The following DCK variants were observed in gnomAD, a reference collection of about 807,000 sequenced individuals.
DCK encodes the protein deoxyadenosine kinase.
Under a neutral mutation model 38.3 loss-of-function variants are expected in DCK, and 23 were observed. The ratio of observed to expected loss-of-function variants is 0.60; its 90% CI spans 0.43 to 0.85. The LOEUF (loss-of-function observed/expected upper bound fraction) is 0.85, where lower values mean the gene tolerates loss of function less well. Among genes scored for constraint, DCK ranks in the 40% least tolerant of loss-of-function variants. The pLI is 0.00. For missense variants in DCK, 259 were observed against 304.4 expected, an observed-to-expected ratio of 0.85 and a Z score of 1.11; for synonymous variants, 108 against 100.6, an observed-to-expected ratio of 1.07 and a Z score of -0.44.
intron 4 of DCK, among the ~76,000 whole-genome samples, chr4:71,024,110 C>T (rs1314265189): frequency 6.6e-6 from 1 of 152,122 alleles, no homozygotes; most frequent in Admixed American, 6.5e-5. Flanking sequence ...CAGTGCTGGG[C>T]ACTGTTGGAG....
At chr4:71,017,419 C>T (rs1018854660) in intron 2 of DCK, among the ~76,000 whole-genome samples, 1 of 152,056 alleles carries the variant, frequency 6.6e-6, no homozygotes, top group African/African-American at 2.4e-5. Context: ...CCCAGCCATC[C>T]CATTAGTGGG....
chr4:70,997,399 G>A (rs73827066), intron 1 of DCK, among the ~76,000 whole-genome samples: 72 of 152,184 alleles, frequency 4.7e-4, no homozygotes, highest in African/African-American at 1.6e-3. Context: ...CCAGTTTATC[G>A]TTAAAAGTTT....
chr4:71,028,729 A>T (rs1233339270), intron 6 of DCK: 3 of 383,112 alleles, frequency 7.8e-6, no homozygotes, highest in Non-Finnish European at 1.5e-5. Flanking sequence ...AGTAGGTGGG[A>T]TTACAAGTGC....
chr4:70,999,828 GTGTCTGTTCATA>G (rs1376411784), intron 2 of DCK, among the ~76,000 whole-genome samples: 1 of 152,048 alleles, frequency 6.6e-6, no homozygotes, highest in African/African-American at 2.4e-5. Context: ...CTTTTGAAAA[GTGTCTGTTCATA>G]TCATTTGCCC....
Position 71,023,700 on chromosome 4 carries a change from T to C in DCK, c.543T>C (p.Thr181=). ...ELDGIIYLQA[T]PETCLHRIYL... ...ATGGAATCATTTATCTTCAAGCCAC[T>C]CCAGAGGTAAAACCCAATAAAAATG... Residue 181 remains threonine (T), a synonymous_variant, in exon 4 of 7, where the codon ACT becomes ACC. Transcript: ENST00000286648. 6.2e-7 allele frequency: 1 copy of C among 1,604,308 alleles called. No homozygotes were observed. Among genetic ancestry groups the C allele is most frequent in the Non-Finnish European group, 8.5e-7 (1 of 1,177,266 alleles).
Position 71,029,555 on chromosome 4 carries a change from C to G in DCK, c.*177C>G, listed in dbSNP as rs1462734861. The G allele has an allele frequency of 1.8e-6, 1 of 554,978 alleles. No individual in the cohort carries two copies. The highest frequency in any genetic ancestry group is 3.1e-5 in the East Asian group (1 of 31,816). 34.4% of individuals were successfully genotyped at this position (554,978 alleles called of 1,614,324 possible). ...CAAAACTTTTTGACCAGTTTCTTTT[C>G]TTTTGTTTTTTTTTTAAAAAAGACA... On this transcript the variant is annotated 3_prime_UTR_variant, in exon 7 of 7. Transcript: ENST00000286648.
intron 6 of DCK, among the ~76,000 whole-genome samples, chr4:71,028,192 A>G (rs2148920540): frequency 6.6e-6 from 1 of 152,336 alleles, no homozygotes; most frequent in African/African-American, 2.4e-5. Flanking sequence ...TGCTTGAACT[A>G]TTGTGCTTAT....
chr4:71,017,570 A>G (rs1016939556), intron 2 of DCK, among the ~76,000 whole-genome samples: 3 of 152,152 alleles, frequency 2.0e-5, no homozygotes, highest in Non-Finnish European at 4.4e-5. Context: ...AAAATGTGGC[A>G]CATATACACC....
At chr4:71,006,169 A>AAG (rs1739937304) in intron 2 of DCK, 2 of 157,824 alleles carry the variant, frequency 1.3e-5, no homozygotes, top group African/African-American at 2.4e-5. Flanking sequence ...AGAAAAAGAA[A>AAG]AACTACTATT....
At chr4:71,025,097 C>T (rs1416090542) in intron 4 of DCK, among the ~76,000 whole-genome samples, 1 of 151,986 alleles carries the variant, frequency 6.6e-6, no homozygotes, top group Non-Finnish European at 1.5e-5. Context: ...TCTTGGAATG[C>T]ATGAAGAGTT....
chr4:71,004,564 C>T (rs573423588), intron 2 of DCK, among the ~76,000 whole-genome samples: 7 of 152,228 alleles, frequency 4.6e-5, no homozygotes, highest in Admixed American at 4.6e-4. Context: ...CTCACAGCCA[C>T]GCCTTCCCCC....
intron 2 of DCK, among the ~76,000 whole-genome samples, chr4:71,017,332 G>T (rs994403236): frequency 6.6e-6 from 1 of 152,104 alleles, no homozygotes. Flanking sequence ...ACTGTTGGTG[G>T]GACTGTAAAC....
intron 2 of DCK, among the ~76,000 whole-genome samples, chr4:71,021,770 A>G (rs1052110891): frequency 5.9e-5 from 9 of 152,134 alleles, no homozygotes; most frequent in Non-Finnish European, 1.3e-4. Context: ...TGGGAGGCCA[A>G]GGCAGGCAGA....
chr4:70,996,064 C>A (rs1256738595), intron 1 of DCK, among the ~76,000 whole-genome samples: 1 of 152,070 alleles, frequency 6.6e-6, no homozygotes, highest in Non-Finnish European at 1.5e-5. Flanking sequence ...TAAAATTAGG[C>A]CAGGCACAGT....
At chr4:71,014,256 C>A (rs1339338160) in intron 2 of DCK, among the ~76,000 whole-genome samples, 2 of 152,192 alleles carry the variant, frequency 1.3e-5, no homozygotes, top group Non-Finnish European at 2.9e-5. Context: ...CAGGAGCACC[C>A]AGATTCATAA....
At chr4:71,022,983 G>A (rs1389868207) in intron 3 of DCK, among the ~76,000 whole-genome samples, 1 of 152,084 alleles carries the variant, frequency 6.6e-6, no homozygotes, top group African/African-American at 2.4e-5. Context: ...TCAGAACAGA[G>A]GTTCTCAAAC....
At chr4:71,004,896 C>T (rs1739901640) in intron 2 of DCK, among the ~76,000 whole-genome samples, 1 of 152,110 alleles carries the variant, frequency 6.6e-6, no homozygotes, top group Admixed American at 6.5e-5. Flanking sequence ...TTGCTGGGCT[C>T]CGTGGGGGTG....
Position 70,993,785 on chromosome 4 carries a change from C to T in DCK, c.-51C>T. Reference sequence around the variant, plus strand: ...GCTCCAGTGCGCGCACCCGTGGCCGCCTCCCAGCCCTCTTTGCCGGACGAG... The same window carrying T: ...GCTCCAGTGCGCGCACCCGTGGCCGTCTCCCAGCCCTCTTTGCCGGACGAG... On this transcript the variant is annotated 5_prime_UTR_variant, in exon 1 of 7. Transcript: ENST00000286648. The T allele has an allele frequency of 7.3e-7, 1 of 1,376,262 alleles. No individual in the cohort carries two copies. The highest frequency in any genetic ancestry group is 1.0e-6 in the Non-Finnish European group (1 of 977,856). The allele number at this position is 1,376,262 out of a possible 1,614,324, so 85.3% of individuals were successfully genotyped here. A position where few individuals can be genotyped will look rare whatever the true frequency, so the allele number is the denominator to read the frequency against.
chr4:71,019,453 T>G (rs975109205), intron 2 of DCK, among the ~76,000 whole-genome samples: 2 of 152,296 alleles, frequency 1.3e-5, no homozygotes, highest in African/African-American at 2.4e-5. Flanking sequence ...CTCAGTAGTA[T>G]TATAAGCATA....
Sources: gnomAD v4.1 joint callset for allele counts (sites outside exome capture counted in the v4.1 genomes callset) on GRCh38, gnomAD v4.1.1 for gene constraint, MANE v1.5 for transcripts, NCBI Gene and HGNC (gene_info 2026-07-23, HGNC 2026-07-21) for gene names.